CAST: variants seen among roughly 807,000 people sequenced by gnomAD.
The protein encoded by CAST is MIR583 host.
In CAST, 76 loss-of-function variants were observed where a neutral mutation model predicts 119.6. The ratio of observed to expected loss-of-function variants is 0.64; its 90% CI spans 0.53 to 0.77. The LOEUF is 0.77. CAST is among the 30% of genes least tolerant of loss of function. CAST has a pLI of 0.00. For synonymous variants in CAST, 319 were observed against 331.6 expected (o/e 0.96, Z 0.41); for missense variants, 953 against 946.5 (o/e 1.01, Z -0.09).
intron 1 of CAST, among the ~76,000 whole-genome samples, chr5:96,664,501 A>G (rs970942832): frequency 6.6e-6 from 1 of 151,972 alleles, no homozygotes; most frequent in Admixed American, 6.6e-5. Context: ...GTCTCAAGCA[A>G]TCCTCCCACC....
chr5:96,257,728 C>G, the CAST span, among the ~76,000 whole-genome samples: 2 of 152,236 alleles, frequency 1.3e-5, no homozygotes, highest in African/African-American at 4.8e-5. Context: ...GACCCCAGAA[C>G]TAAGTGATAA....
intron 9 of CAST, among the ~76,000 whole-genome samples, chr5:96,732,853 A>G (rs924176731): frequency 2.0e-5 from 3 of 152,354 alleles, no homozygotes; most frequent in African/African-American, 7.2e-5. Context: ...TTTGGAGAGC[A>G]TGTAATCAAT....
chr5:96,609,224 C>T (rs889413228), intron 1 of CAST, among the ~76,000 whole-genome samples: 1 of 152,166 alleles, frequency 6.6e-6, no homozygotes, highest in African/African-American at 2.4e-5. Flanking sequence ...ACATGTATTC[C>T]CATTGCAATA....
chr5:96,758,817 C>A (rs2150638205), intron 24 of CAST, among the ~76,000 whole-genome samples: 1 of 152,290 alleles, frequency 6.6e-6, no homozygotes, highest in African/African-American at 2.4e-5. Context: ...CAGCAAAGCA[C>A]TCCAGCCTTG....
intron 3 of CAST, among the ~76,000 whole-genome samples, chr5:96,704,460 C>A (rs1754537647): frequency 6.6e-6 from 1 of 152,182 alleles, no homozygotes; most frequent in South Asian, 2.1e-4. Flanking sequence ...TGAATAACTT[C>A]TGAAAATCAG....
the CAST span, among the ~76,000 whole-genome samples, chr5:96,052,723 T>C: frequency 2.0e-5 from 3 of 152,216 alleles, no homozygotes; most frequent in African/African-American, 7.2e-5. Flanking sequence ...TGTTCCATTA[T>C]TGATGGAAGA....
the CAST span, among the ~76,000 whole-genome samples, chr5:96,196,028 T>G: frequency 1.3e-5 from 2 of 152,218 alleles, no homozygotes; most frequent in South Asian, 2.1e-4. Flanking sequence ...AGCTCCATGT[T>G]CCTCTGATAG....
the CAST span, among the ~76,000 whole-genome samples, chr5:96,199,966 A>G: frequency 6.6e-6 from 1 of 152,174 alleles, no homozygotes; most frequent in Non-Finnish European, 1.5e-5. Flanking sequence ...AGAAAGGTAC[A>G]AAGTTCAGTT....
the CAST span, among the ~76,000 whole-genome samples, chr5:96,035,103 A>ATATATATATTTAAGTATATATATC: frequency 7.0e-6 from 1 of 143,544 alleles, no homozygotes; most frequent in African/African-American, 2.5e-5. Flanking sequence ...GTATATATAT[A>ATATATATATTTAAGTATATATATC]CTTCAAGATA....
chr5:96,075,341 T>C, the CAST span, among the ~76,000 whole-genome samples: 1 of 152,178 alleles, frequency 6.6e-6, no homozygotes, highest in Non-Finnish European at 1.5e-5. Context: ...CCCACTAGGA[T>C]TTCTTGGCAT....
the CAST span, among the ~76,000 whole-genome samples, chr5:96,451,967 C>T: frequency 6.6e-6 from 1 of 152,126 alleles, no homozygotes; most frequent in African/African-American, 2.4e-5. Flanking sequence ...GTTAGAATGG[C>T]GATCATTAAA....
At chr5:96,405,704 G>T in the CAST span, among the ~76,000 whole-genome samples, 2 of 152,176 alleles carry the variant, frequency 1.3e-5, no homozygotes, top group Non-Finnish European at 2.9e-5. Context: ...ATTATTTTCT[G>T]TATAGGATCA....
At chr5:96,169,250 AAGCCTTGCAGCAGTAC>A in the CAST span, among the ~76,000 whole-genome samples, 1 of 152,156 alleles carries the variant, frequency 6.6e-6, no homozygotes, top group Non-Finnish European at 1.5e-5. Flanking sequence ...GCTGTCTGTG[AAGCCTTGCAGCAGTAC>A]AGCCCAGGTA....
chr5:96,240,741 T>C, the CAST span, among the ~76,000 whole-genome samples: 4 of 148,872 alleles, frequency 2.7e-5, no homozygotes, highest in Admixed American at 6.7e-5. Context: ...CTTTCTTTTT[T>C]TTTTTTTTTT....
At chr5:96,414,340 T>G in the CAST span, among the ~76,000 whole-genome samples, 1 of 151,956 alleles carries the variant, frequency 6.6e-6, no homozygotes, top group Non-Finnish European at 1.5e-5. Flanking sequence ...CAACCACCAT[T>G]TGAGGTGGGT....
chr5:96,256,209 CTT>C, the CAST span, among the ~76,000 whole-genome samples: 1 of 147,802 alleles, frequency 6.8e-6, no homozygotes, highest in African/African-American at 2.5e-5. Context: ...TATATATAAA[CTT>C]ACATATATAT....
chr5:96,126,337 G>T, the CAST span, among the ~76,000 whole-genome samples: 1 of 152,080 alleles, frequency 6.6e-6, no homozygotes, highest in Non-Finnish European at 1.5e-5. Context: ...TAAGGGTATT[G>T]TTGATGTTTT....
intron 2 of CAST, chr5:96,675,874 C>T (rs1420310658): frequency 6.3e-6 from 2 of 318,618 alleles, no homozygotes; most frequent in East Asian, 1.1e-4. Context: ...CTGGTGAATC[C>T]AAATTGTTTT....
the CAST span, among the ~76,000 whole-genome samples, chr5:96,243,235 G>C: frequency 1.4e-5 from 2 of 147,710 alleles, no homozygotes; most frequent in Non-Finnish European, 3.0e-5. Context: ...AAAAATAGAA[G>C]TACTCAGCAT....
Sources: allele counts gnomAD v4.1 joint callset (sites outside exome capture counted in the v4.1 genomes callset), GRCh38; gene constraint gnomAD v4.1.1; transcripts MANE v1.5; gene names NCBI Gene and HGNC (gene_info 2026-07-23, HGNC 2026-07-21).